CTDSPL2: variants seen among roughly 807,000 people sequenced by gnomAD.
CTDSPL2 encodes the protein CTD small phosphatase-like protein 2.
A neutral mutation model predicts 60.0 loss-of-function variants in CTDSPL2; 5 were observed. The observed-to-expected ratio is 0.08, with a 90% CI of 0.04 to 0.18. The LOEUF (loss-of-function observed/expected upper bound fraction) is 0.18, where lower values mean the gene tolerates loss of function less well. CTDSPL2 is among the 10% of genes least tolerant of loss of function. The probability of loss-of-function intolerance (pLI) is 1.00; values close to 1 mark genes in which losing one functional copy is unlikely to be tolerated. For missense variants in CTDSPL2, 370 were observed against 548.8 expected (o/e 0.67, Z 3.26); for synonymous variants, 186 against 189.3 (o/e 0.98, Z 0.14).
intron 1 of CTDSPL2, among the ~76,000 whole-genome samples, chr15:44,450,932 A>G (rs1357191908): frequency 6.6e-6 from 1 of 152,120 alleles, no homozygotes; most frequent in Non-Finnish European, 1.5e-5. Context: ...CATTGGTAAA[A>G]TATAGTATAA....
intron 2 of CTDSPL2, among the ~76,000 whole-genome samples, chr15:44,476,454 T>C (rs779723291): frequency 6.6e-6 from 1 of 152,238 alleles, no homozygotes; most frequent in Non-Finnish European, 1.5e-5. Flanking sequence ...TAAATGAATA[T>C]ATTATTGCAA....
At chr15:44,504,193 A>G (rs891618729) in intron 8 of CTDSPL2, among the ~76,000 whole-genome samples, 1 of 151,994 alleles carries the variant, frequency 6.6e-6, no homozygotes, top group Non-Finnish European at 1.5e-5. Context: ...ACAAAAAAAT[A>G]AAAAAAATTA....
At position 44,460,397 on chromosome 15, in the gene CTDSPL2, C is replaced by T. The variant is rs372031818; in HGVS notation, c.186+1197C>T. ...TGCTGGGATTATAGGCATGAGCCAC[C>T]GCGCCCGGCCTCAGTTTGATCACCT... On this transcript the variant is annotated intron_variant, in intron 2 of 12. Transcript: ENST00000260327. Among the ~76,000 whole-genome samples the T allele has an allele frequency of 4.7e-3, 723 of 152,272 alleles. 4 individuals carry two copies. Among genetic ancestry groups the T allele is most frequent in the African/African-American group, 0.016 (670 of 41,544 alleles).
intron 1 of CTDSPL2, chr15:44,449,075 T>G (rs908470082): frequency 9.3e-6 from 3 of 323,112 alleles, no homozygotes; most frequent in African/African-American, 6.8e-5. Context: ...TTCCAAGTCT[T>G]TCTGTCTGTA....
At chr15:44,491,785 G>A (rs899912905) in intron 5 of CTDSPL2, among the ~76,000 whole-genome samples, 18 of 152,064 alleles carry the variant, frequency 1.2e-4, no homozygotes, top group Admixed American at 2.0e-4. Flanking sequence ...TGATGGCTGG[G>A]GCCTATAACC....
chr15:44,514,581 T>C lies in CTDSPL2; in HGVS notation c.970-17T>C, dbSNP rs1279489030. 9.2e-6 allele frequency: 14 copies of C among 1,516,126 alleles called. No individual in the cohort carries two copies. The highest frequency in any genetic ancestry group is 9.0e-5 in the East Asian group (4 of 44,274). The allele number at this position is 1,516,126 out of a possible 1,614,324, so 93.9% of individuals were successfully genotyped here. ...TTGTATGTTTATTTGCTGAAACTTA[T>C]CTTTGTATTTCCTTAGGTTTATGTG... On this transcript the variant is annotated splice_polypyrimidine_tract_variant and intron_variant, in intron 8 of 12. Coordinates refer to ENST00000260327, the MANE Select transcript of CTDSPL2 (RefSeq NM_016396.3).
chr15:44,467,892 G>A, intron 2 of CTDSPL2, among the ~76,000 whole-genome samples: 1 of 152,140 alleles, frequency 6.6e-6, no homozygotes, highest in East Asian at 1.9e-4. Context: ...TTCTTTTAAT[G>A]TAGAGTAGTA....
At position 44,465,085 on chromosome 15, in the gene CTDSPL2, C is replaced by G. The variant is rs150649299; in HGVS notation, c.186+5885C>G. ...TTCTGAAGTATTCAGGTTAGGGCTT[C>G]AACATAAACTTTGGGGTAACACTAT... is the stretch of plus-strand genomic sequence containing the variant. On this transcript the variant is annotated intron_variant, in intron 2 of 12. Transcript: ENST00000260327. Among the ~76,000 whole-genome samples the G allele has an allele frequency of 1.6e-3, 236 of 152,240 alleles. 1 individual carries two copies. The highest frequency in any genetic ancestry group is 5.2e-3 in the African/African-American group (217 of 41,542).
At chr15:44,434,015 C>A (rs568902627) in intron 1 of CTDSPL2, among the ~76,000 whole-genome samples, 141 of 151,132 alleles carry the variant, frequency 9.3e-4, no homozygotes, top group African/African-American at 3.2e-3. Flanking sequence ...AATCTAACAA[C>A]CCATATATTG....
intron 1 of CTDSPL2, 22 bp from the exon 2 acceptor site, chr15:44,458,969 A>C (rs752238252): frequency 7.2e-7 from 1 of 1,390,730 alleles, no homozygotes; most frequent in Admixed American, 2.5e-5. Context: ...TTTTTATTAC[A>C]TTTATTATTT....
At chr15:44,460,068 G>A (rs1198619993) in intron 2 of CTDSPL2, among the ~76,000 whole-genome samples, 2 of 152,118 alleles carry the variant, frequency 1.3e-5, no homozygotes, top group African/African-American at 4.8e-5. Context: ...TTTCAGATTA[G>A]ATGGTACAAC....
chr15:44,485,225 A>T (rs968830302), intron 3 of CTDSPL2, among the ~76,000 whole-genome samples: 1 of 152,232 alleles, frequency 6.6e-6, no homozygotes, highest in African/African-American at 2.4e-5. Context: ...AATTAGACTG[A>T]AATGTCAATA....
intron 2 of CTDSPL2, among the ~76,000 whole-genome samples, chr15:44,474,027 C>T (rs758651474): frequency 5.3e-5 from 8 of 152,174 alleles, no homozygotes; most frequent in South Asian, 2.1e-4. Flanking sequence ...GGGGTTTCGC[C>T]GTGTTGCCCA....
chr15:44,468,969 T>G (rs1386710126), intron 2 of CTDSPL2, among the ~76,000 whole-genome samples: 1 of 152,182 alleles, frequency 6.6e-6, no homozygotes, highest in Non-Finnish European at 1.5e-5. Context: ...GCTTTCTTGT[T>G]TATCATATCA....
At chr15:44,523,591 G>A (rs569618369) in intron 12 of CTDSPL2, among the ~76,000 whole-genome samples, 5 of 152,278 alleles carry the variant, frequency 3.3e-5, no homozygotes, top group African/African-American at 1.2e-4. Context: ...GGGTGAAAGA[G>A]CAAGACCCTG....
At chr15:44,451,018 C>A (rs980138800) in intron 1 of CTDSPL2, among the ~76,000 whole-genome samples, 1 of 152,094 alleles carries the variant, frequency 6.6e-6, no homozygotes, top group Admixed American at 6.6e-5. Flanking sequence ...TTAAAACAAG[C>A]AGACTAATAT....
chr15:44,478,654 A>G (rs1237937014), intron 2 of CTDSPL2, among the ~76,000 whole-genome samples: 2 of 152,026 alleles, frequency 1.3e-5, no homozygotes, highest in African/African-American at 4.8e-5. Flanking sequence ...ACGTTTGATA[A>G]TATAATTTTT....
At chr15:44,467,303 C>T (rs1048285716) in intron 2 of CTDSPL2, among the ~76,000 whole-genome samples, 28 of 152,230 alleles carry the variant, frequency 1.8e-4, no homozygotes, top group Admixed American at 3.9e-4. Context: ...ATCACTGGGA[C>T]TTATTTTTTT....
intron 1 of CTDSPL2, among the ~76,000 whole-genome samples, chr15:44,446,148 A>G (rs923294119): frequency 6.7e-6 from 1 of 149,770 alleles, no homozygotes; most frequent in Admixed American, 6.7e-5. Flanking sequence ...CAGTTCTCGA[A>G]CTCCTGACCT....
Sources: allele counts gnomAD v4.1 joint callset (sites outside exome capture counted in the v4.1 genomes callset), GRCh38; gene constraint gnomAD v4.1.1; transcripts MANE v1.5; gene names NCBI Gene and HGNC (gene_info 2026-07-23, HGNC 2026-07-21).